The following RNF220 variants were observed in gnomAD, a reference collection of about 807,000 sequenced individuals.
RNF220 encodes E3 ubiquitin-protein ligase RNF220.
A neutral mutation model predicts 67.1 loss-of-function variants in RNF220; 7 were observed. The ratio of observed to expected loss-of-function variants is 0.10; its 90% CI spans 0.06 to 0.20. The LOEUF (loss-of-function observed/expected upper bound fraction) is 0.20. Among genes scored for constraint, RNF220 ranks in the 10% least tolerant of loss-of-function variants. RNF220 has a pLI of 1.00. For missense variants in RNF220, 565 were observed against 740.3 expected (o/e 0.76, Z 2.75); for synonymous variants, 270 against 283.2 (o/e 0.95, Z 0.47).
chr1:44,585,907 C>A (rs1057300062), intron 2 of RNF220, among the ~76,000 whole-genome samples: 4 of 152,026 alleles, frequency 2.6e-5, no homozygotes, highest in Middle Eastern at 3.2e-3. Context: ...TAACATTATA[C>A]CCTGGCAAGC....
chr1:44,649,054 T>G lies in RNF220; in HGVS notation c.1446-607T>G. The G allele has an allele frequency of 6.2e-6, 1 of 160,696 alleles. No homozygotes were observed. Among genetic ancestry groups the G allele is most frequent in the Non-Finnish European group, 1.4e-5 (1 of 72,976 alleles). The allele number at this position is 160,696 out of a possible 1,614,324, so 10.0% of individuals were successfully genotyped here. On this transcript the variant is annotated intron_variant, in intron 12 of 14. Transcript: ENST00000361799. The surrounding 1 kb of genome is among the most constrained non-coding windows in gnomAD (Gnocchi z 5.9). ...GATCACAGTGCAGAGGCCAAGGCAG[T>G]GAAAAAGGTGGCGTGGATGGTGACA... is the stretch of plus-strand genomic sequence containing the variant.
chr1:44,590,620 A>G (rs1260775862), intron 2 of RNF220, among the ~76,000 whole-genome samples: 2 of 152,142 alleles, frequency 1.3e-5, no homozygotes, highest in Non-Finnish European at 2.9e-5. Context: ...CTGTTCTTTC[A>G]GTCCAGCTCC....
Position 44,651,166 on chromosome 1 carries a change from A to G in RNF220, c.*391A>G. 1 of 259,066 alleles carries G rather than the reference A, an allele frequency of 3.9e-6. No individual in the cohort carries two copies. The highest frequency in any genetic ancestry group is 4.3e-5 in the Admixed American group (1 of 23,354). 16.0% of individuals were successfully genotyped at this position (259,066 alleles called of 1,614,324 possible). A position where few individuals can be genotyped will look rare whatever the true frequency, so the allele number is the denominator to read the frequency against. On this transcript the variant is annotated 3_prime_UTR_variant, in exon 15 of 15. Transcript: ENST00000361799. ...TGTAATATAGACCGTGTATGTTTAC[A>G]ATGTTGTGTATAAATGGGACAACTC...
intron 2 of RNF220, among the ~76,000 whole-genome samples, chr1:44,553,273 A>G (rs414359): frequency 6.6e-6 from 1 of 152,138 alleles, no homozygotes; most frequent in Non-Finnish European, 1.5e-5. Flanking sequence ...GTTCTTAGTG[A>G]CATCAGGATT....
rs142563109 is a variant in RNF220 at position 44,635,003 on chromosome 1, A to G, written c.950-542A>G. Among the ~76,000 whole-genome samples the G allele has an allele frequency of 3.6e-3, 555 of 152,224 alleles. 5 individuals are homozygous for G. The highest frequency in any genetic ancestry group is 0.012 in the African/African-American group (492 of 41,538). On this transcript the variant is annotated intron_variant, in intron 6 of 14. Coordinates refer to ENST00000361799, the MANE Select transcript of RNF220 (RefSeq NM_018150.4). Reference sequence around the variant, plus strand: ...GTCTCCTCTTCTGTGAAATGGGATTAGTGGACCTCAGAGAAATTCTTCCTG... The same window carrying G: ...GTCTCCTCTTCTGTGAAATGGGATTGGTGGACCTCAGAGAAATTCTTCCTG...
intron 2 of RNF220, among the ~76,000 whole-genome samples, chr1:44,429,485 G>GT (rs562356853): frequency 9.2e-5 from 14 of 152,144 alleles, no homozygotes; most frequent in Non-Finnish European, 1.5e-4. Context: ...AGAGGAAATC[G>GT]TAAGGGACAT....
chr1:44,576,966 AGGCTCC>A (rs1414936217), intron 2 of RNF220, among the ~76,000 whole-genome samples: 22 of 152,186 alleles, frequency 1.4e-4, no homozygotes, highest in Non-Finnish European at 3.2e-4. Flanking sequence ...AAGTGGGGAC[AGGCTCC>A]AGGAGCCGAC....
At chr1:44,520,083 C>CATTGTGTG in intron 2 of RNF220, among the ~76,000 whole-genome samples, 1 of 81,214 alleles carries the variant, frequency 1.2e-5, no homozygotes, top group Non-Finnish European at 2.5e-5. Flanking sequence ...TGAAGTCCAG[C>CATTGTGTG]ATTGTGTGTG....
At chr1:44,513,136 C>T (rs1338597698) in intron 2 of RNF220, among the ~76,000 whole-genome samples, 1 of 152,184 alleles carries the variant, frequency 6.6e-6, no homozygotes, top group Non-Finnish European at 1.5e-5. Context: ...GATAGACATT[C>T]GCAGTAGCTG....
At chr1:44,529,048 T>A (rs932884934) in intron 2 of RNF220, among the ~76,000 whole-genome samples, 3 of 152,204 alleles carry the variant, frequency 2.0e-5, no homozygotes, top group Non-Finnish European at 4.4e-5. Context: ...TGTAGCAAAA[T>A]CCTTAAAATA....
rs200389616 is a variant in RNF220, at chr1:44,463,348, AAG to A, written c.625+50628_625+50629del. On this transcript the variant is annotated intron_variant, in intron 2 of 14. Coordinates refer to ENST00000361799, the MANE Select transcript of RNF220 (RefSeq NM_018150.4). ...AAAACTCTGTCTCAAAAAAAAAAAAAAGAAAGAAAGAAAATACAGGAAATAAG... is the reference window on the plus strand; with the variant it reads ...AAAACTCTGTCTCAAAAAAAAAAAAAAAAGAAAGAAAATACAGGAAATAAG... Among the ~76,000 whole-genome samples the A allele has an allele frequency of 3.4e-4, 44 of 130,138 alleles. No homozygotes were observed. The East Asian group carries it at 5.1e-3, about 15-fold the overall frequency. The allele number at this position is 130,138 out of a possible 152,430, so 85.4% of individuals were successfully genotyped here.
intron 2 of RNF220, among the ~76,000 whole-genome samples, chr1:44,563,559 T>G (rs578138580): frequency 3.5e-4 from 53 of 152,310 alleles, no homozygotes; most frequent in Non-Finnish European, 5.3e-4. Context: ...TCTGTGACAC[T>G]AGTGTGTCCT....
At chr1:44,536,848 T>C (rs1219396789) in intron 2 of RNF220, among the ~76,000 whole-genome samples, 1 of 152,180 alleles carries the variant, frequency 6.6e-6, no homozygotes, top group South Asian at 2.1e-4. Flanking sequence ...TGTACTTTAT[T>C]ATAATACTAA....
At chr1:44,594,933 G>A (rs932101121) in intron 2 of RNF220, among the ~76,000 whole-genome samples, 8 of 152,110 alleles carry the variant, frequency 5.3e-5, no homozygotes, top group African/African-American at 1.7e-4. Flanking sequence ...CCTCTGATTC[G>A]GGGCTTTATT....
At chr1:44,490,698 A>C (rs1656780532) in intron 2 of RNF220, among the ~76,000 whole-genome samples, 1 of 151,994 alleles carries the variant, frequency 6.6e-6, no homozygotes, top group Admixed American at 6.6e-5. Flanking sequence ...AAAAAGAGCA[A>C]ACTAAACCCA....
At chr1:44,510,200 C>T (rs1437098428) in intron 2 of RNF220, among the ~76,000 whole-genome samples, 1 of 148,120 alleles carries the variant, frequency 6.8e-6, no homozygotes, top group Admixed American at 6.7e-5. Context: ...GATCACGCCA[C>T]TGCACTCCAG....
intron 8 of RNF220, among the ~76,000 whole-genome samples, chr1:44,641,868 GCAAA>G (rs1385733840): frequency 2.0e-5 from 3 of 152,212 alleles, no homozygotes; most frequent in African/African-American, 7.2e-5. Context: ...CTTTTCTTTG[GCAAA>G]CAAAGTGTGT....
chr1:44,559,438 C>T (rs913902498), intron 2 of RNF220, among the ~76,000 whole-genome samples: 3 of 152,238 alleles, frequency 2.0e-5, no homozygotes, highest in African/African-American at 7.2e-5. Flanking sequence ...GCAATGAAGT[C>T]AGCACTCTGC....
intron 2 of RNF220, among the ~76,000 whole-genome samples, chr1:44,490,117 G>A (rs143257616): frequency 1.3e-5 from 2 of 152,232 alleles, no homozygotes; most frequent in African/African-American, 4.8e-5. Flanking sequence ...AGCAAAATAT[G>A]AAATCAACTA....
Sources: gnomAD v4.1 joint callset for allele counts (sites outside exome capture counted in the v4.1 genomes callset) on GRCh38, gnomAD v4.1.1 for gene constraint, Gnocchi (gnomAD v3.1) non-coding constraint, MANE v1.5 for transcripts, NCBI Gene and HGNC (gene_info 2026-07-23, HGNC 2026-07-21) for gene names.